TSPEAR: variants seen among roughly 807,000 people sequenced by gnomAD.
The protein encoded by TSPEAR is thrombospondin-type laminin G domain and EAR repeat-containing protein.
Under a neutral mutation model 71.6 loss-of-function variants are expected in TSPEAR, and 69 were observed. That is an observed-to-expected ratio of 0.96 (90% CI 0.79 to 1.18). TSPEAR has a LOEUF of 1.18. Ranked by LOEUF, TSPEAR falls within the 50% of genes most tolerant of loss-of-function variation. The pLI, the probability that TSPEAR is intolerant of heterozygous loss-of-function variation, is 0.00. For synonymous variants in TSPEAR, 402 were observed against 387.2 expected, an observed-to-expected ratio of 1.04 and a Z score of -0.45; for missense variants, 971 against 894.9, an observed-to-expected ratio of 1.09 and a Z score of -1.09.
intron 11 of TSPEAR, among the ~76,000 whole-genome samples, chr21:44,502,665 C>T (rs1409756168): frequency 1.3e-5 from 2 of 152,384 alleles, no homozygotes; most frequent in East Asian, 1.9e-4. Context: ...TGTGGCTACA[C>T]CCGGGGCAGG....
intron 1 of TSPEAR, among the ~76,000 whole-genome samples, chr21:44,680,608 A>G (rs1190497518): frequency 6.6e-6 from 1 of 152,258 alleles, no homozygotes; most frequent in Non-Finnish European, 1.5e-5. Context: ...TTGCAGCACT[A>G]TTCACAATAG....
chr21:44,617,866 C>T (rs775239994), intron 1 of TSPEAR, among the ~76,000 whole-genome samples: 2 of 152,242 alleles, frequency 1.3e-5, no homozygotes, highest in Admixed American at 6.5e-5. Flanking sequence ...TACCTTTCCA[C>T]ACTCAGATAT....
intron 9 of TSPEAR, among the ~76,000 whole-genome samples, chr21:44,512,311 CAGG>C (rs2052410337): frequency 8.2e-6 from 1 of 122,244 alleles, no homozygotes; most frequent in Non-Finnish European, 1.6e-5. Context: ...AGGAAGGTGT[CAGG>C]AGAGAGGTGA....
In TSPEAR at chr21:44,689,743, T is replaced by G. The variant is rs1362828158; in HGVS notation, c.82+21690A>C. On this transcript the variant is annotated intron_variant, in intron 1 of 11. Coordinates refer to ENST00000323084, the MANE Select transcript of TSPEAR (RefSeq NM_144991.3). ...TATATATATATATATATATATATTT[T>G]GGGGGGGGTTACTAAGTATTAACTA... Among the ~76,000 whole-genome samples the G allele has an allele frequency of 4.2e-4, 20 of 47,878 alleles. 2 individuals are homozygous for G. The highest frequency in any genetic ancestry group is 1.8e-3 in the African/African-American group (19 of 10,676). The allele number at this position is 47,878 out of a possible 152,430, so 31.4% of individuals were successfully genotyped here. A position where few individuals can be genotyped will look rare whatever the true frequency, so the allele number is the denominator to read the frequency against.
chr21:44,558,110 C>A (rs374239737), intron 2 of TSPEAR: 14 of 1,611,120 alleles, frequency 8.7e-6, no homozygotes, highest in Non-Finnish European at 1.2e-5. Context: ...GGCGGGAGCA[C>A]GTGGGGCGGC....
At chr21:44,608,270 A>C (rs1555930168) in intron 1 of TSPEAR, among the ~76,000 whole-genome samples, 1 of 152,186 alleles carries the variant, frequency 6.6e-6, no homozygotes, top group African/African-American at 2.4e-5. Flanking sequence ...TGGATGGGTT[A>C]TTTGCAATTC....
chr21:44,560,380 T>TAA (rs1555920817), intron 2 of TSPEAR, among the ~76,000 whole-genome samples: 24 of 152,262 alleles, frequency 1.6e-4, no homozygotes, highest in African/African-American at 5.5e-4. Flanking sequence ...CACACAATAA[T>TAA]AGTGGGAAAC....
At chr21:44,691,773 T>C (rs1555949751) in intron 1 of TSPEAR, among the ~76,000 whole-genome samples, 1 of 152,124 alleles carries the variant, frequency 6.6e-6, no homozygotes, top group Non-Finnish European at 1.5e-5. Flanking sequence ...CTGGTGAATA[T>C]CACCAAACAT....
intron 2 of TSPEAR, among the ~76,000 whole-genome samples, chr21:44,553,388 C>A (rs1277100117): frequency 6.6e-6 from 1 of 151,956 alleles, no homozygotes; most frequent in Non-Finnish European, 1.5e-5. Flanking sequence ...TCTTCAATAC[C>A]AAATTTAATA....
chr21:44,627,006 C>T, intron 1 of TSPEAR: 2 of 1,119,388 alleles, frequency 1.8e-6, no homozygotes, highest in South Asian at 1.6e-5. Flanking sequence ...GCAGACGCCG[C>T]CTCTCAGCAA....
At chr21:44,698,411 G>C (rs947568653) in intron 1 of TSPEAR, among the ~76,000 whole-genome samples, 1 of 152,230 alleles carries the variant, frequency 6.6e-6, no homozygotes, top group Non-Finnish European at 1.5e-5. Flanking sequence ...ACACACATTA[G>C]TCTGGCACTG....
At position 44,697,320 on chromosome 21, in the gene TSPEAR, C is replaced by T. The variant is rs781808301; in HGVS notation, c.82+14113G>A. The T allele has an allele frequency of 3.1e-6, 5 of 1,612,704 alleles. No individual in the cohort carries two copies. Among genetic ancestry groups the T allele is most frequent in the East Asian group, 2.2e-5 (1 of 44,882 alleles). ...TGCCCAGAGAGCTGCTGTGAGCCCCCCTGCTGCGCCCCGGCCCCCTGCCTG... is the reference window on the plus strand; with the variant it reads ...TGCCCAGAGAGCTGCTGTGAGCCCCTCTGCTGCGCCCCGGCCCCCTGCCTG... On this transcript the variant is annotated intron_variant, in intron 1 of 11. Coordinates refer to ENST00000323084, the MANE Select transcript of TSPEAR (RefSeq NM_144991.3).
chr21:44,658,293 G>A (rs587651771), intron 1 of TSPEAR: 2 of 1,606,760 alleles, frequency 1.2e-6, no homozygotes, highest in East Asian at 2.2e-5. Flanking sequence ...GGTACACGGG[G>A]GTACACACCT....
In TSPEAR at chr21:44,528,446, C is replaced by A. The variant is rs1555915233; in HGVS notation, c.922+6G>T. On this transcript the variant is annotated splice_donor_region_variant and intron_variant, in intron 6 of 11. Coordinates refer to ENST00000323084, the MANE Select transcript of TSPEAR (RefSeq NM_144991.3). ...TGCCAACGCCCCGGGTGCAGGGCTG[C>A]CTCACCTGCTAACACGGAGACCCAC... The A allele has an allele frequency of 6.2e-7, 1 of 1,613,736 alleles. No homozygotes were observed. The highest frequency in any genetic ancestry group is 1.1e-5 in the South Asian group (1 of 91,084).
At chr21:44,553,060 C>G (rs187069586) in intron 2 of TSPEAR, among the ~76,000 whole-genome samples, 1 of 152,230 alleles carries the variant, frequency 6.6e-6, no homozygotes, top group African/African-American at 2.4e-5. Context: ...GTGACAGCTT[C>G]GGTGATCTTA....
chr21:44,616,889 A>T (rs1278319910), intron 1 of TSPEAR, among the ~76,000 whole-genome samples: 1 of 152,186 alleles, frequency 6.6e-6, no homozygotes, highest in East Asian at 1.9e-4. Context: ...GGGGCCGAAC[A>T]ACCCAGCGAA....
chr21:44,693,534 G>A (rs1026160985), intron 1 of TSPEAR, among the ~76,000 whole-genome samples: 15 of 152,138 alleles, frequency 9.9e-5, no homozygotes, highest in African/African-American at 1.4e-4. Flanking sequence ...CTCCAGTGAA[G>A]GTATGCAAAT....
intron 1 of TSPEAR, among the ~76,000 whole-genome samples, chr21:44,667,555 C>A (rs1402962677): frequency 6.6e-6 from 1 of 152,184 alleles, no homozygotes; most frequent in Non-Finnish European, 1.5e-5. Flanking sequence ...CATGGAGACA[C>A]AGCTCTAAGG....
intron 1 of TSPEAR, chr21:44,654,469 AG>A: frequency 6.2e-7 from 1 of 1,613,926 alleles, no homozygotes; most frequent in Non-Finnish European, 8.5e-7. Flanking sequence ...TACCCCACAC[AG>A]GGGCCGGCAC....
Sources: allele counts gnomAD v4.1 joint callset (sites outside exome capture counted in the v4.1 genomes callset), GRCh38; gene constraint gnomAD v4.1.1; transcripts MANE v1.5; gene names NCBI Gene and HGNC (gene_info 2026-07-23, HGNC 2026-07-21).